AVEN: variants seen among roughly 807,000 people sequenced by gnomAD.
The protein encoded by AVEN is apoptosis and caspase activation inhibitor, also known as cell death regulator Aven.
A neutral mutation model predicts 38.1 loss-of-function variants in AVEN; 41 were observed. The observed-to-expected ratio is 1.08, with a 90% CI of 0.84 to 1.40. The LOEUF (loss-of-function observed/expected upper bound fraction) is 1.40, where lower values mean the gene tolerates loss of function less well. Among genes scored for constraint, AVEN ranks in the 40% most tolerant of loss-of-function variants. The probability of loss-of-function intolerance (pLI) is 0.00; values close to 1 mark genes in which losing one functional copy is unlikely to be tolerated. For synonymous variants in AVEN, 206 were observed against 171.8 expected, an observed-to-expected ratio of 1.20 and a Z score of -1.56; for missense variants, 605 against 438.8, an observed-to-expected ratio of 1.38 and a Z score of -3.38.
chr15:33,981,624 A>G (rs193300218), intron 2 of AVEN, among the ~76,000 whole-genome samples: 288 of 152,270 alleles, frequency 1.9e-3, no homozygotes, highest in Admixed American at 3.6e-3. Flanking sequence ...GTGCAATATA[A>G]AGAATAGTCA....
chr15:33,871,534 A>T (rs1384344215), intron 3 of AVEN, among the ~76,000 whole-genome samples: 6 of 152,122 alleles, frequency 3.9e-5, no homozygotes, highest in Admixed American at 3.9e-4. Flanking sequence ...CAACACTGCA[A>T]AACAGCCTGA....
intron 2 of AVEN, among the ~76,000 whole-genome samples, chr15:33,891,287 G>A (rs942577808): frequency 5.3e-5 from 8 of 152,080 alleles, no homozygotes; most frequent in African/African-American, 1.4e-4. Flanking sequence ...CAACGTGCAG[G>A]TTTGATATAT....
chr15:33,970,008 T>C (rs931220095), intron 2 of AVEN, among the ~76,000 whole-genome samples: 1 of 152,044 alleles, frequency 6.6e-6, no homozygotes, highest in Non-Finnish European at 1.5e-5. Flanking sequence ...TTGGTTTTCA[T>C]GAGTTTCATT....
At chr15:33,868,420 G>A (rs762463004) in intron 4 of AVEN, among the ~76,000 whole-genome samples, 2 of 151,668 alleles carry the variant, frequency 1.3e-5, no homozygotes, top group Admixed American at 1.3e-4. Context: ...GGTGGAGAGT[G>A]TCTAGTCCCA....
intron 2 of AVEN, among the ~76,000 whole-genome samples, chr15:33,954,239 T>C (rs1042831841): frequency 6.6e-6 from 1 of 152,212 alleles, no homozygotes. Context: ...CGGAAGACAG[T>C]GTGGCTATTC....
At chr15:34,046,973 C>T (rs573774014) in intron 5 of AVEN, 13 of 152,404 alleles carry the variant, frequency 8.5e-5, no homozygotes, top group African/African-American at 2.9e-4. Flanking sequence ...CCAGCAGAGC[C>T]TTAGGTCCAA....
At chr15:33,982,063 C>T (rs1237604468) in intron 2 of AVEN, among the ~76,000 whole-genome samples, 2 of 151,466 alleles carry the variant, frequency 1.3e-5, no homozygotes, top group African/African-American at 2.4e-5. Context: ...GACAAGATTT[C>T]ACCACACTGG....
chr15:34,049,372 G>A (rs1048616978), intron 5 of AVEN, among the ~76,000 whole-genome samples: 4 of 152,128 alleles, frequency 2.6e-5, no homozygotes, highest in African/African-American at 9.7e-5. Flanking sequence ...CAGACCTAAT[G>A]GTGCTGAAAA....
At chr15:33,852,049 G>A in the AVEN span, 1 of 16,454 alleles carries the variant, frequency 6.1e-5, no homozygotes, top group Non-Finnish European at 1.6e-4. Flanking sequence ...CCACCCTGTT[G>A]GGGGAGAGGC....
At chr15:33,869,597 C>A (rs892278895) in intron 4 of AVEN, among the ~76,000 whole-genome samples, 2 of 152,164 alleles carry the variant, frequency 1.3e-5, no homozygotes, top group Non-Finnish European at 2.9e-5. Context: ...AATCCCCCAT[C>A]AGAGGCAAAT....
At chr15:33,940,465 G>C (rs897945388) in intron 2 of AVEN, among the ~76,000 whole-genome samples, 1 of 152,186 alleles carries the variant, frequency 6.6e-6, no homozygotes, top group Non-Finnish European at 1.5e-5. Context: ...ACCTATGAAA[G>C]TATGCCGGTC....
chr15:33,860,554 C>CG, intron 11 of AVEN: 2 of 1,285,708 alleles, frequency 1.6e-6, no homozygotes, highest in Non-Finnish European at 2.2e-6. Flanking sequence ...TACCCCTGAA[C>CG]CACTACACAG....
chr15:33,870,072 C>T (rs949423063), intron 4 of AVEN, among the ~76,000 whole-genome samples: 3 of 152,182 alleles, frequency 2.0e-5, no homozygotes, highest in Non-Finnish European at 2.9e-5. Flanking sequence ...CTGAGTTGCA[C>T]AATCTACAAA....
intron 2 of AVEN, among the ~76,000 whole-genome samples, chr15:33,939,196 C>T (rs569416888): frequency 6.6e-6 from 1 of 152,286 alleles, no homozygotes; most frequent in East Asian, 1.9e-4. Context: ...GCCTTGAGAC[C>T]ACAGGGAGGG....
intron 2 of AVEN, among the ~76,000 whole-genome samples, chr15:33,889,449 C>T (rs942647303): frequency 2.6e-5 from 4 of 152,178 alleles, no homozygotes; most frequent in African/African-American, 4.8e-5. Flanking sequence ...TAGCTGAAAA[C>T]TCTAAAATAA....
At chr15:34,060,133 G>T (rs376766254) in intron 5 of AVEN, among the ~76,000 whole-genome samples, 1 of 152,296 alleles carries the variant, frequency 6.6e-6, no homozygotes, top group South Asian at 2.1e-4. Context: ...CTTTTCAGAT[G>T]CTGGGGAATC....
chr15:33,852,973 C>T, the AVEN span: 1 of 1,349,912 alleles, frequency 7.4e-7, no homozygotes, highest in South Asian at 1.3e-5. Flanking sequence ...GGCACTCAAA[C>T]TGAAACGTTT....
intron 2 of AVEN, among the ~76,000 whole-genome samples, chr15:33,938,591 C>T (rs945471575): frequency 2.0e-5 from 3 of 152,176 alleles, no homozygotes; most frequent in South Asian, 4.1e-4. Flanking sequence ...AAATTAACAA[C>T]TCATTCTAGA....
rs199976891 is a variant in AVEN at position 33,949,999 on chromosome 15, G to GAT, written c.445+53031_445+53032dup. 3.0e-3 allele frequency among the ~76,000 whole-genome samples: 454 copies of GAT among 152,076 alleles called. 1 individual carries two copies. Among genetic ancestry groups the GAT allele is most frequent in the Admixed American group, 0.013 (203 of 15,266 alleles). Reference sequence around the variant, plus strand: ...AGGGATGAATGGATAAAGAAAATGTGATATATATATACCATGGAATATTAT... The same window carrying GAT: ...AGGGATGAATGGATAAAGAAAATGTGATATATATATATACCATGGAATATTAT... On this transcript the variant is annotated intron_variant, in intron 2 of 5. Coordinates refer to ENST00000306730, the MANE Select transcript of AVEN (RefSeq NM_020371.3).
Sources: allele counts gnomAD v4.1 joint callset (sites outside exome capture counted in the v4.1 genomes callset), GRCh38; gene constraint gnomAD v4.1.1; transcripts MANE v1.5; gene names NCBI Gene and HGNC (gene_info 2026-07-23, HGNC 2026-07-21).